The following ZNF571 variants were observed in gnomAD, a reference collection of about 807,000 sequenced individuals.
ZNF571 encodes zinc finger protein 571.
ZNF571 carries 4 observed loss-of-function variants against 7.7 expected under a neutral mutation model. The ratio of observed to expected loss-of-function variants is 0.52; its 90% confidence interval spans 0.25 to 1.18. The LOEUF is 1.18. Among genes scored for constraint, ZNF571 ranks in the 50% most tolerant of loss-of-function variants. The pLI is 0.14. For synonymous variants in ZNF571, 251 were observed against 232.4 expected (o/e 1.08, Z -0.73); for missense variants, 704 against 726.9 (o/e 0.97, Z 0.36).
chr19:37,564,368 A>C lies in ZNF571; in HGVS notation c.*230T>G. On this transcript the variant is annotated 3_prime_UTR_variant, in exon 4 of 4. Coordinates refer to ENST00000451802, the MANE Select transcript of ZNF571 (RefSeq NM_016536.5). ...AAATATATAGGATTTCAGTTAGGAT[A>C]TGGTGAAATGGAGATGATGCTTAAT... 1 of 367,222 alleles carries C rather than the reference A, an allele frequency of 2.7e-6. No homozygotes were observed. The highest frequency in any genetic ancestry group is 4.8e-6 in the Non-Finnish European group (1 of 207,018). 22.7% of individuals were successfully genotyped at this position (367,222 alleles called of 1,614,324 possible).
chr19:37,575,346 CAG>C (rs1253154105), intron 3 of ZNF571: 3 of 152,172 alleles, frequency 2.0e-5, no homozygotes, highest in African/African-American at 7.2e-5. Context: ...AAATTACAAA[CAG>C]TGCTTAACCC....
rs1477736068 is a variant in ZNF571, at chr19:37,565,343, G to A, written c.1085C>T (p.Pro362Leu). The A allele has an allele frequency of 3.1e-6, 5 of 1,613,292 alleles. No homozygotes were observed. The highest frequency in any genetic ancestry group is 3.3e-5 in the Admixed American group (2 of 59,892). The change falls in exon 4 of 4, where the codon CCC becomes CTC. Residue 362 changes from proline to leucine, a missense_variant. Pro to Leu is a moderately conservative substitution (Grantham distance 98). Transcript: ENST00000451802. ...EHQRIHTGEK[P>L]YECKECGKTF... is the part of the protein sequence containing the mutation. Reference sequence around the variant, plus strand: ...CTTCCCGCATTCTTTACATTCATAGGGTTTCTCTCCTGTATGAATTCTCTG... The same window carrying A: ...CTTCCCGCATTCTTTACATTCATAGAGTTTCTCTCCTGTATGAATTCTCTG...
At chr19:37,590,061 G>C (rs1329446078) in intron 1 of ZNF571, among the ~76,000 whole-genome samples, 2 of 151,594 alleles carry the variant, frequency 1.3e-5, no homozygotes, top group Admixed American at 6.6e-5. Flanking sequence ...TAAATTAAAT[G>C]TTTGATCCTA....
At chr19:37,587,682 C>T (rs2043723146) in intron 1 of ZNF571, among the ~76,000 whole-genome samples, 1 of 151,960 alleles carries the variant, frequency 6.6e-6, no homozygotes, top group African/African-American at 2.4e-5. Flanking sequence ...CAAGAAAACC[C>T]AGTAAGAGAG....
At position 37,564,951 on chromosome 19, in the gene ZNF571, G is replaced by GATGATATGTAAGTTGT; in HGVS notation, c.1461_1476dup (p.Gln493ThrfsTer12). 1 of 1,613,862 alleles carries GATGATATGTAAGTTGT rather than the reference G, an allele frequency of 6.2e-7. No individual in the cohort carries two copies. Among genetic ancestry groups the GATGATATGTAAGTTGT allele is most frequent in the Middle Eastern group, 1.7e-4 (1 of 6,050 alleles). ...GGCTTTTCACCTGTATGAATTCTTT[G>GATGATATGTAAGTTGT]ATGATATGTAAGTTGTGTAGCACGT... On this transcript the variant is annotated frameshift_variant, in exon 4 of 4. Transcript: ENST00000451802. LOFTEE classifies it low-confidence loss of function (END_TRUNC).
Position 37,567,157 on chromosome 19 carries a change from A to G in ZNF571, c.137-866T>C, listed in dbSNP as rs187842220. On this transcript the variant is annotated intron_variant, in intron 3 of 3. Transcript: ENST00000451802. ...AAACATCCAACACATAATTGTACCT[A>G]TATTGCATTTTTCACTAATGGATAT... Among the ~76,000 whole-genome samples, 6 of 152,292 alleles carry G rather than the reference A, an allele frequency of 3.9e-5. No homozygotes were observed. The Middle Eastern group carries it at 0.01, about 259-fold the overall frequency.
At chr19:37,576,042 TACACACAC>T (rs34837052) in intron 3 of ZNF571, among the ~76,000 whole-genome samples, 2 of 148,940 alleles carry the variant, frequency 1.3e-5, no homozygotes, top group East Asian at 2.0e-4. Context: ...CATACATGCA[TACACACAC>T]ACACACACAC....
In ZNF571 at chr19:37,566,368, T is replaced by C. The variant is rs1173713106; in HGVS notation, c.137-77A>G. The C allele has an allele frequency of 5.5e-6, 8 of 1,464,960 alleles. No homozygotes were observed. The Admixed American group carries it at 9.0e-5, about 16-fold the overall frequency. 90.7% of individuals were successfully genotyped at this position (1,464,960 alleles called of 1,614,324 possible). On this transcript the variant is annotated intron_variant, in intron 3 of 3. Transcript: ENST00000451802. ...AAAATTCTATGGTAAAAATGATAGATGAAAATAATTCTCATTAAGAATAGA... is the reference window on the plus strand; with the variant it reads ...AAAATTCTATGGTAAAAATGATAGACGAAAATAATTCTCATTAAGAATAGA...
intron 1 of ZNF571, among the ~76,000 whole-genome samples, chr19:37,590,445 T>G (rs1254015977): frequency 6.6e-6 from 1 of 151,782 alleles, no homozygotes; most frequent in Non-Finnish European, 1.5e-5. Context: ...AAAAAAGCTA[T>G]AAGGACAAAA....
chr19:37,586,566 C>G, intron 2 of ZNF571, 102 bp downstream of exon 2: 4 of 1,386,642 alleles, frequency 2.9e-6, no homozygotes, highest in Non-Finnish European at 1.0e-6. Flanking sequence ...GAAGCAGTTC[C>G]CTTAAGGAAC....
intron 3 of ZNF571, chr19:37,570,048 A>C (rs2042999699): frequency 6.6e-6 from 1 of 152,168 alleles, no homozygotes; most frequent in South Asian, 2.1e-4. Flanking sequence ...AGAGATCTCA[A>C]TTTCCATAAG....
At chr19:37,587,830 A>G (rs551316518) in intron 1 of ZNF571, among the ~76,000 whole-genome samples, 78 of 152,224 alleles carry the variant, frequency 5.1e-4, no homozygotes, top group Non-Finnish European at 9.7e-4. Context: ...TTAAGAATAC[A>G]TGGGTTGGCT....
intron 1 of ZNF571, among the ~76,000 whole-genome samples, chr19:37,591,654 C>A (rs565505935): frequency 6.6e-6 from 1 of 152,206 alleles, no homozygotes; most frequent in African/African-American, 2.4e-5. Flanking sequence ...AAATGATTCT[C>A]CTGCCTCAGC....
intron 1 of ZNF571, chr19:37,594,062 C>T (rs1486024861): frequency 1.3e-5 from 2 of 152,158 alleles, no homozygotes; most frequent in Middle Eastern, 6.8e-3. Context: ...TCGGAGCAGA[C>T]GAAACAATTT....
In ZNF571 at chr19:37,589,864, C is replaced by CAAAAAAA. The variant is rs60136941; in HGVS notation, c.-69-3126_-69-3120dup. Among the ~76,000 whole-genome samples, 274 of 29,578 alleles carry CAAAAAAA rather than the reference C, an allele frequency of 9.3e-3. 77 individuals carry two copies. The highest frequency in any genetic ancestry group is 0.071 in the Middle Eastern group (1 of 14). The allele number at this position is 29,578 out of a possible 152,430, so 19.4% of individuals were successfully genotyped here. A position where few individuals can be genotyped will look rare whatever the true frequency, so the allele number is the denominator to read the frequency against. ...TGGGCAACAGAGCAAGACTCCATCT[C>CAAAAAAA]AAAAAAAAAAAAAAAAAAAAAAAGC... On this transcript the variant is annotated intron_variant, in intron 1 of 3. Transcript: ENST00000451802.
At chr19:37,586,828 T>C in intron 1 of ZNF571, 83 bp from the exon 2 acceptor site, 1 of 799,242 alleles carries the variant, frequency 1.3e-6, no homozygotes, top group Admixed American at 2.6e-5. Flanking sequence ...TTACTTCTCC[T>C]CTTTTGGGAA....
chr19:37,581,730 T>G (rs540982906), intron 3 of ZNF571, among the ~76,000 whole-genome samples: 2 of 151,820 alleles, frequency 1.3e-5, no homozygotes, highest in Non-Finnish European at 2.9e-5. Context: ...CCCAAAGTAC[T>G]GGGATTACAG....
At chr19:37,592,706 A>T (rs1434662569) in intron 1 of ZNF571, among the ~76,000 whole-genome samples, 1 of 152,264 alleles carries the variant, frequency 6.6e-6, no homozygotes, top group Non-Finnish European at 1.5e-5. Flanking sequence ...ATTAAAGGTG[A>T]TTTAGGGAAA....
chr19:37,574,711 T>TC (rs2043185007), intron 3 of ZNF571, among the ~76,000 whole-genome samples: 1 of 152,204 alleles, frequency 6.6e-6, no homozygotes, highest in Non-Finnish European at 1.5e-5. Context: ...AAAGTCACTC[T>TC]AAAAATCATT....
Sources: gnomAD v4.1 joint callset for allele counts (sites outside exome capture counted in the v4.1 genomes callset) on GRCh38, gnomAD v4.1.1 for gene constraint, MANE v1.5 for transcripts, NCBI Gene and HGNC (gene_info 2026-07-23, HGNC 2026-07-21) for gene names.